The following DIP2C variants were observed in gnomAD, a reference collection of about 807,000 sequenced individuals.
DIP2C encodes DIP2 acetate--CoA ligase C (putative), also known as disco-interacting protein 2 homolog C.
A neutral mutation model predicts 192.4 loss-of-function variants in DIP2C; 33 were observed. The ratio of observed to expected loss-of-function variants is 0.17; its 90% CI spans 0.13 to 0.23. The LOEUF (loss-of-function observed/expected upper bound fraction) is 0.23, where lower values mean the gene tolerates loss of function less well. DIP2C is among the 10% of genes least tolerant of loss of function. The pLI, the probability that DIP2C is intolerant of heterozygous loss-of-function variation, is 1.00. For missense variants in DIP2C, 1,537 were observed against 2,110.1 expected, an observed-to-expected ratio of 0.73 and a Z score of 5.32; for synonymous variants, 979 against 864.1, an observed-to-expected ratio of 1.13 and a Z score of -2.33.
At chr10:432,509 G>A (rs1966871892) in intron 4 of DIP2C, among the ~76,000 whole-genome samples, 1 of 152,110 alleles carries the variant, frequency 6.6e-6, no homozygotes, top group Non-Finnish European at 1.5e-5. Flanking sequence ...TAATGTCCAT[G>A]GGACCTGTAG....
chr10:351,428 G>A (rs1275262403), intron 24 of DIP2C, among the ~76,000 whole-genome samples: 1 of 152,178 alleles, frequency 6.6e-6, no homozygotes, highest in African/African-American at 2.4e-5. Flanking sequence ...CTCTGCGCCA[G>A]GGCCAGGACC....
At chr10:370,255 G>A (rs1369615221) in intron 17 of DIP2C, among the ~76,000 whole-genome samples, 1 of 152,230 alleles carries the variant, frequency 6.6e-6, no homozygotes, top group African/African-American at 2.4e-5. Flanking sequence ...GAGAAGACGG[G>A]TCCGCATAAG....
chr10:580,379 T>TAC (rs1265245948), intron 1 of DIP2C, among the ~76,000 whole-genome samples: 2 of 152,176 alleles, frequency 1.3e-5, no homozygotes, highest in Non-Finnish European at 2.9e-5. Context: ...CATGTATATA[T>TAC]ATAAGTACAC....
chr10:387,425 C>T (rs1016998621), intron 14 of DIP2C, among the ~76,000 whole-genome samples: 2 of 152,186 alleles, frequency 1.3e-5, no homozygotes, highest in Non-Finnish European at 2.9e-5. Context: ...TGTATTCCTA[C>T]ACCCAGCACA....
At chr10:559,595 A>C (rs1328426354) in intron 1 of DIP2C, among the ~76,000 whole-genome samples, 1 of 152,186 alleles carries the variant, frequency 6.6e-6, no homozygotes, top group African/African-American at 2.4e-5. Flanking sequence ...AGAAAGCAGG[A>C]ATTCCAGGTC....
chr10:314,883 CAG>C (rs1295373224), intron 31 of DIP2C, among the ~76,000 whole-genome samples: 4 of 152,228 alleles, frequency 2.6e-5, no homozygotes, highest in African/African-American at 7.2e-5. Flanking sequence ...TAGTTCAACA[CAG>C]AAGTTTTGGA....
chr10:415,017 T>C (rs1303541181), intron 7 of DIP2C, among the ~76,000 whole-genome samples: 1 of 151,186 alleles, frequency 6.6e-6, no homozygotes, highest in Non-Finnish European at 1.5e-5. Context: ...GCTGGAATTA[T>C]AGGCATGAGC....
chr10:434,135 C>A (rs1274017283), intron 4 of DIP2C, among the ~76,000 whole-genome samples: 1 of 152,192 alleles, frequency 6.6e-6, no homozygotes, highest in Non-Finnish European at 1.5e-5. Context: ...TCACTGCTGT[C>A]ATTCATTTCA....
chr10:546,238 C>T (rs987947557), intron 1 of DIP2C, among the ~76,000 whole-genome samples: 7 of 144,842 alleles, frequency 4.8e-5, no homozygotes, highest in African/African-American at 1.5e-4. Flanking sequence ...GCCGAGGTCA[C>T]GCCACTACAC....
intron 14 of DIP2C, among the ~76,000 whole-genome samples, chr10:385,103 G>A (rs1260856375): frequency 6.6e-6 from 1 of 150,972 alleles, no homozygotes; most frequent in East Asian, 1.9e-4. Flanking sequence ...GCACGGGCTG[G>A]GAGGAGAAGC....
chr10:583,962 A>G (rs115329421), intron 1 of DIP2C, among the ~76,000 whole-genome samples: 154 of 152,240 alleles, frequency 1.0e-3, no homozygotes, highest in African/African-American at 3.6e-3. Context: ...ACAAATGTGA[A>G]AGAGAGAGGC....
intron 1 of DIP2C, among the ~76,000 whole-genome samples, chr10:522,624 A>T (rs570779611): frequency 7.9e-5 from 12 of 152,368 alleles, no homozygotes; most frequent in African/African-American, 2.6e-4. Flanking sequence ...GCCCTACGAC[A>T]TAAGACACGG....
chr10:282,234 C>T (rs1954870751), intron 35 of DIP2C: 3 of 152,326 alleles, frequency 2.0e-5, no homozygotes. Flanking sequence ...GGGACACGTC[C>T]TTCAGGGTAT....
chr10:607,034 G>A (rs1399286256), intron 1 of DIP2C, among the ~76,000 whole-genome samples: 4 of 152,200 alleles, frequency 2.6e-5, no homozygotes, highest in Non-Finnish European at 5.9e-5. Flanking sequence ...AACCAAGACC[G>A]ATCTGTGTCC....
chr10:599,192 G>C (rs560429667), intron 1 of DIP2C, among the ~76,000 whole-genome samples: 1 of 152,244 alleles, frequency 6.6e-6, no homozygotes, highest in African/African-American at 2.4e-5. Flanking sequence ...CTAGTTTAGG[G>C]AGACAGCACC....
Position 651,206 on chromosome 10 carries a change from C to A in DIP2C, c.85+38288G>T. 4.2e-6 allele frequency: 3 copies of A among 717,302 alleles called. No homozygotes were observed. The South Asian group carries it at 4.4e-5, about 11-fold the overall frequency. 44.4% of individuals were successfully genotyped at this position (717,302 alleles called of 1,614,324 possible). A position where few individuals can be genotyped will look rare whatever the true frequency, so the allele number is the denominator to read the frequency against. The stretch of plus-strand genomic sequence containing the variant: ...CCGTCCTCCACGCATATCTACAGAC[C>A]CTGTCCTCACCTGCATCACACCAAT... On this transcript the variant is annotated intron_variant, in intron 1 of 36. Coordinates refer to ENST00000280886, the MANE Select transcript of DIP2C (RefSeq NM_014974.3). The surrounding 1 kb of genome is among the most constrained non-coding windows in gnomAD (Gnocchi z 4.1).
At chr10:679,634 T>C (rs1178450615) in intron 1 of DIP2C, among the ~76,000 whole-genome samples, 2 of 143,220 alleles carry the variant, frequency 1.4e-5, no homozygotes, top group Non-Finnish European at 3.0e-5. Flanking sequence ...ATGCCCATGC[T>C]CCCCACACCC....
intron 1 of DIP2C, among the ~76,000 whole-genome samples, chr10:656,707 T>C (rs895698173): frequency 1.3e-5 from 2 of 152,130 alleles, no homozygotes; most frequent in Admixed American, 1.3e-4. Context: ...GGCTCACCTG[T>C]GTGCACACTG....
chr10:567,865 G>T (rs1043133651), intron 1 of DIP2C, among the ~76,000 whole-genome samples: 1 of 151,696 alleles, frequency 6.6e-6, no homozygotes, highest in African/African-American at 2.4e-5. Context: ...CCTGACCTCC[G>T]GTGATCCACC....
Sources: allele counts gnomAD v4.1 joint callset (sites outside exome capture counted in the v4.1 genomes callset), GRCh38; gene constraint gnomAD v4.1.1; non-coding constraint Gnocchi (gnomAD v3.1); transcripts MANE v1.5; gene names NCBI Gene and HGNC (gene_info 2026-07-23, HGNC 2026-07-21).